The following RANBP2 variants were observed in gnomAD, a reference collection of about 807,000 sequenced individuals.
RANBP2 encodes the protein E3 SUMO-protein ligase RanBP2.
Under a neutral mutation model 303.6 loss-of-function variants are expected in RANBP2, and 57 were observed. That is an observed-to-expected ratio of 0.19 (90% CI 0.15 to 0.23). The LOEUF (loss-of-function observed/expected upper bound fraction) is 0.23. RANBP2 is among the 10% of genes least tolerant of loss of function. The pLI is 1.00. For missense variants in RANBP2, 3,138 were observed against 3,780.8 expected (o/e 0.83, Z 4.46); for synonymous variants, 1,167 against 1,301.5 (o/e 0.90, Z 2.23).
At chr2:108,813,544 A>G in the RANBP2 span, among the ~76,000 whole-genome samples, 5 of 152,184 alleles carry the variant, frequency 3.3e-5, no homozygotes, top group African/African-American at 1.2e-4. Flanking sequence ...AGCATTTGCT[A>G]TTATATTTCA....
the RANBP2 span, among the ~76,000 whole-genome samples, chr2:109,233,424 A>G: frequency 1.3e-5 from 2 of 152,132 alleles, no homozygotes; most frequent in Admixed American, 1.3e-4. Flanking sequence ...CAATGTTCAG[A>G]CACTTCGTGT....
the RANBP2 span, among the ~76,000 whole-genome samples, chr2:109,525,162 G>A: frequency 7.3e-6 from 1 of 137,782 alleles, no homozygotes; most frequent in African/African-American, 2.7e-5. Flanking sequence ...TTTGTTTTTT[G>A]TTTGGTTTTT....
the RANBP2 span, among the ~76,000 whole-genome samples, chr2:108,974,317 G>C: frequency 8.6e-6 from 1 of 116,588 alleles, no homozygotes; most frequent in Non-Finnish European, 1.7e-5. Flanking sequence ...GAGACAGAGC[G>C]AGGATCCGTC....
intron 22 of RANBP2, 29 bp downstream of exon 22, chr2:108,772,610 T>A: frequency 6.3e-7 from 1 of 1,577,126 alleles, no homozygotes; most frequent in Non-Finnish European, 8.7e-7. Context: ...ACATTTATAA[T>A]GCTTTTAACA....
chr2:108,774,018 C>T (rs1053302095), intron 23 of RANBP2, among the ~76,000 whole-genome samples: 7 of 152,194 alleles, frequency 4.6e-5, no homozygotes, highest in Non-Finnish European at 8.8e-5. Flanking sequence ...ATATTTGTTA[C>T]AGTTGATGAA....
the RANBP2 span, among the ~76,000 whole-genome samples, chr2:108,864,781 G>A: frequency 3.0e-5 from 4 of 134,590 alleles, no homozygotes; most frequent in African/African-American, 8.2e-5. Flanking sequence ...GCGACAGAGC[G>A]AGACTCCATC....
the RANBP2 span, among the ~76,000 whole-genome samples, chr2:109,303,176 G>A: frequency 1.3e-5 from 2 of 152,116 alleles, no homozygotes; most frequent in Non-Finnish European, 2.9e-5. Context: ...GCGCCCGGCC[G>A]ATCTCCTTAG....
the RANBP2 span, among the ~76,000 whole-genome samples, chr2:109,573,616 GC>G: frequency 6.6e-6 from 1 of 152,196 alleles, no homozygotes; most frequent in Non-Finnish European, 1.5e-5. Flanking sequence ...AGAGAAAGAA[GC>G]AGCATCCAGA....
intron 25 of RANBP2, among the ~76,000 whole-genome samples, chr2:108,778,719 A>G (rs1200194400): frequency 2.0e-5 from 3 of 148,510 alleles, no homozygotes; most frequent in Non-Finnish European, 4.5e-5. Flanking sequence ...AAGTTGCTGA[A>G]CAATTTTGTT....
the RANBP2 span, among the ~76,000 whole-genome samples, chr2:108,853,918 A>G: frequency 8.2e-6 from 1 of 122,076 alleles, no homozygotes; most frequent in Admixed American, 1.0e-4. Flanking sequence ...TATATAGTAT[A>G]TATATTATAT....
At chr2:109,414,140 G>A in the RANBP2 span, among the ~76,000 whole-genome samples, 5 of 152,174 alleles carry the variant, frequency 3.3e-5, no homozygotes, top group East Asian at 1.9e-4. Context: ...GTGGTGTCCC[G>A]CAGATGGGGC....
chr2:109,029,252 C>T, the RANBP2 span, among the ~76,000 whole-genome samples: 1 of 152,200 alleles, frequency 6.6e-6, no homozygotes, highest in Non-Finnish European at 1.5e-5. Flanking sequence ...GGAGTCCCTC[C>T]CCATCCCAGC....
At chr2:109,011,667 C>T in the RANBP2 span, among the ~76,000 whole-genome samples, 2 of 152,144 alleles carry the variant, frequency 1.3e-5, no homozygotes. Context: ...TGGATCTTCT[C>T]ATTTTTTCCT....
chr2:108,843,880 T>TGTGTG, the RANBP2 span, among the ~76,000 whole-genome samples: 10 of 94,134 alleles, frequency 1.1e-4, no homozygotes, highest in African/African-American at 5.5e-4. Context: ...GTGTGTGTGT[T>TGTGTG]TCTTTCTTTT....
the RANBP2 span, among the ~76,000 whole-genome samples, chr2:109,484,367 A>G: frequency 1.3e-5 from 2 of 152,022 alleles, no homozygotes; most frequent in African/African-American, 4.8e-5. Context: ...CTGCCTGGTC[A>G]TCCCACTGCC....
intron 25 of RANBP2, among the ~76,000 whole-genome samples, chr2:108,780,118 T>A (rs574412558): frequency 6.6e-6 from 1 of 151,868 alleles, no homozygotes; most frequent in Admixed American, 6.6e-5. Context: ...TTTGTATCGC[T>A]AAGCATAACA....
At chr2:109,067,008 A>C in the RANBP2 span, among the ~76,000 whole-genome samples, 4 of 152,092 alleles carry the variant, frequency 2.6e-5, no homozygotes, top group African/African-American at 9.7e-5. Context: ...GTTTTATCCC[A>C]GGGCATAGGC....
At chr2:108,944,919 A>C in the RANBP2 span, among the ~76,000 whole-genome samples, 1 of 152,174 alleles carries the variant, frequency 6.6e-6, no homozygotes, top group South Asian at 2.1e-4. Flanking sequence ...GAGCCCTTTG[A>C]CATGAGCAGA....
chr2:108,734,492 TTC>T (rs1695411495), intron 4 of RANBP2, among the ~76,000 whole-genome samples: 1 of 151,250 alleles, frequency 6.6e-6, no homozygotes, highest in Non-Finnish European at 1.5e-5. Context: ...TTGGGGGTTC[TTC>T]TGAGGAAAAG....
Sources: allele counts gnomAD v4.1 joint callset (sites outside exome capture counted in the v4.1 genomes callset), GRCh38; gene constraint gnomAD v4.1.1; transcripts MANE v1.5; gene names NCBI Gene and HGNC (gene_info 2026-07-23, HGNC 2026-07-21).